The following VOPP1 variants were observed in gnomAD, a reference collection of about 807,000 sequenced individuals.
VOPP1 encodes the protein WW domain binding protein VOPP1.
VOPP1 carries 8 observed loss-of-function variants against 23.5 expected under a neutral mutation model. The observed-to-expected ratio is 0.34, with a 90% CI of 0.20 to 0.61. The LOEUF (loss-of-function observed/expected upper bound fraction) is 0.61. Ranked by LOEUF, VOPP1 falls within the 20% of genes least tolerant of loss-of-function variation. The probability of loss-of-function intolerance (pLI) is 0.78; values close to 1 mark genes in which losing one functional copy is unlikely to be tolerated. For missense variants in VOPP1, 174 were observed against 238.1 expected (o/e 0.73, Z 1.77); for synonymous variants, 83 against 97.3 (o/e 0.85, Z 0.86).
chr7:55,503,246 T>C (rs1481053547), intron 2 of VOPP1, among the ~76,000 whole-genome samples: 1 of 152,204 alleles, frequency 6.6e-6, no homozygotes, highest in Non-Finnish European at 1.5e-5. Flanking sequence ...AAAGGAAATG[T>C]ATGTCTGAGA....
At chr7:55,568,077 A>ATTCCTTTT in intron 1 of VOPP1, among the ~76,000 whole-genome samples, 1 of 110,644 alleles carries the variant, frequency 9.0e-6, no homozygotes, top group African/African-American at 3.3e-5. Context: ...AGAGACAACT[A>ATTCCTTTT]TTCCTTTTTT....
At chr7:55,466,014 G>C (rs567476629), downstream of VOPP1, among the ~76,000 whole-genome samples, 5 of 152,246 alleles carry the variant, frequency 3.3e-5, no homozygotes, top group East Asian at 1.9e-4. Context: ...GAAGTCATGA[G>C]GGGGAGGGAG....
intron 4 of VOPP1, among the ~76,000 whole-genome samples, chr7:55,443,641 T>TC (rs760482312): frequency 1.5e-5 from 2 of 132,482 alleles, no homozygotes; most frequent in African/African-American, 2.8e-5. Context: ...GGAATTATTG[T>TC]CCCTTTTTTT....
chr7:55,568,790 CT>C (rs1003309581), intron 1 of VOPP1, among the ~76,000 whole-genome samples: 2 of 151,380 alleles, frequency 1.3e-5, no homozygotes, highest in Admixed American at 6.6e-5. Flanking sequence ...GTTTTAAAAC[CT>C]TTTTTTTTCC....
intron 1 of VOPP1, among the ~76,000 whole-genome samples, chr7:55,547,020 A>G (rs1332840681): frequency 6.6e-6 from 1 of 152,244 alleles, no homozygotes; most frequent in Non-Finnish European, 1.5e-5. Context: ...CTCGACCCAC[A>G]TTCTGCCAAC....
chr7:55,530,223 G>C (rs1226008382), intron 1 of VOPP1, among the ~76,000 whole-genome samples: 3 of 152,042 alleles, frequency 2.0e-5, no homozygotes, highest in Non-Finnish European at 2.9e-5. Flanking sequence ...CAATGTAAGA[G>C]GGCTCCAGTC....
chr7:55,487,495 G>A (rs1349575655), intron 4 of VOPP1, among the ~76,000 whole-genome samples: 1 of 152,200 alleles, frequency 6.6e-6, no homozygotes, highest in Admixed American at 6.5e-5. Context: ...TGCCCAGGCT[G>A]GAGGACAGTG....
intron 3 of VOPP1, among the ~76,000 whole-genome samples, chr7:55,495,729 G>A (rs1793903389): frequency 6.6e-6 from 1 of 152,220 alleles, no homozygotes; most frequent in African/African-American, 2.4e-5. Context: ...ACCCGATGTT[G>A]ATTGAGAGAG....
intron 4 of VOPP1, among the ~76,000 whole-genome samples, chr7:55,490,050 A>G (rs1793451486): frequency 6.6e-6 from 1 of 152,098 alleles, no homozygotes; most frequent in Non-Finnish European, 1.5e-5. Context: ...CTGGACACAG[A>G]GGAGCGGGGA....
chr7:55,445,581 C>A (rs1791081809), intron 4 of VOPP1, among the ~76,000 whole-genome samples: 1 of 152,190 alleles, frequency 6.6e-6, no homozygotes, highest in Non-Finnish European at 1.5e-5. Context: ...ACAATCCCCT[C>A]AACCTGGTGT....
intron 1 of VOPP1, chr7:55,521,580 C>G (rs964954042): frequency 1.0e-6 from 1 of 988,092 alleles, no homozygotes. Flanking sequence ...TTCCGACCTA[C>G]GTCTGCAAGA....
At chr7:55,548,770 A>G (rs766704586) in intron 1 of VOPP1, among the ~76,000 whole-genome samples, 4 of 152,240 alleles carry the variant, frequency 2.6e-5, no homozygotes, top group Non-Finnish European at 4.4e-5. Flanking sequence ...TCTGGGAAAT[A>G]TAGTCCATAA....
intron 4 of VOPP1, among the ~76,000 whole-genome samples, chr7:55,457,112 T>C (rs561944288): frequency 5.9e-5 from 9 of 152,252 alleles, no homozygotes; most frequent in African/African-American, 2.2e-4. Flanking sequence ...CTTCCCAGCC[T>C]CTGGTAATTA....
intron 1 of VOPP1, among the ~76,000 whole-genome samples, chr7:55,535,920 A>G (rs956054111): frequency 1.1e-4 from 17 of 152,168 alleles, no homozygotes; most frequent in Admixed American, 5.9e-4. Flanking sequence ...CTCCAAAGAC[A>G]GTGTTCTTTC....
chr7:55,456,592 T>C (rs1791372585), intron 4 of VOPP1, among the ~76,000 whole-genome samples: 1 of 152,176 alleles, frequency 6.6e-6, no homozygotes, highest in Non-Finnish European at 1.5e-5. Flanking sequence ...ATGTGGCACA[T>C]ATACACCATG....
chr7:55,562,990 T>C (rs1433050324), intron 1 of VOPP1, among the ~76,000 whole-genome samples: 2 of 152,372 alleles, frequency 1.3e-5, no homozygotes, highest in East Asian at 1.9e-4. Context: ...CAGTTATACA[T>C]GCCCTAACTT....
intron 4 of VOPP1, among the ~76,000 whole-genome samples, chr7:55,458,262 T>C (rs1461735505): frequency 2.0e-5 from 3 of 152,202 alleles, no homozygotes; most frequent in African/African-American, 7.2e-5. Context: ...CTGGGTTTTC[T>C]ATTCTGTTCC....
At chr7:55,561,793 G>A in intron 1 of VOPP1, 1 of 533,262 alleles carries the variant, frequency 1.9e-6, no homozygotes, top group South Asian at 2.2e-5. Flanking sequence ...TCTGAGCTCA[G>A]AGCACGTGGG....
intron 4 of VOPP1, among the ~76,000 whole-genome samples, chr7:55,461,898 C>T (rs1425403036): frequency 6.6e-6 from 1 of 152,122 alleles, no homozygotes; most frequent in African/African-American, 2.4e-5. Flanking sequence ...GTAGTGGTAA[C>T]ATTTGATTCC....
Sources: gnomAD v4.1 joint callset for allele counts (sites outside exome capture counted in the v4.1 genomes callset) on GRCh38, gnomAD v4.1.1 for gene constraint, MANE v1.5 for transcripts, NCBI Gene and HGNC (gene_info 2026-07-23, HGNC 2026-07-21) for gene names.